SPATA13: variants seen among roughly 807,000 people sequenced by gnomAD.
The protein encoded by SPATA13 is spermatogenesis-associated protein 13.
In SPATA13, 50 loss-of-function variants were observed where a neutral mutation model predicts 104.0. The ratio of observed to expected loss-of-function variants is 0.48; its 90% CI spans 0.38 to 0.61. SPATA13 has a LOEUF of 0.61. Ranked by LOEUF, SPATA13 falls within the 20% of genes least tolerant of loss-of-function variation. The pLI is 0.00. For missense variants in SPATA13, 1,524 were observed against 1,690.6 expected, an observed-to-expected ratio of 0.90 and a Z score of 1.73; for synonymous variants, 606 against 667.5, an observed-to-expected ratio of 0.91 and a Z score of 1.42.
chr13:24,166,412 C>G (rs965960672), intron 1 of SPATA13, among the ~76,000 whole-genome samples: 9 of 152,004 alleles, frequency 5.9e-5, no homozygotes, highest in Admixed American at 6.5e-5. Flanking sequence ...GAGGAGTGAG[C>G]AATTAGGGAA....
chr13:24,071,874 C>G (rs1483382987), intron 3 of SPATA13, among the ~76,000 whole-genome samples: 3 of 152,156 alleles, frequency 2.0e-5, no homozygotes, highest in Non-Finnish European at 2.9e-5. Context: ...ATGATTCTCC[C>G]CGTGTGCACT....
intron 3 of SPATA13, among the ~76,000 whole-genome samples, chr13:24,152,429 C>T (rs544171376): frequency 6.8e-4 from 103 of 152,384 alleles, no homozygotes; most frequent in African/African-American, 2.4e-3. Flanking sequence ...GCCTACTTCA[C>T]AGCTCTGTCT....
rs566854396 is a variant in SPATA13 at position 24,262,464 on chromosome 13, A to G, written c.2164+10602A>G. ...ATAAGGCAGTAAGAATTCTTGATTCATAGCCTAAGTGCATCACAAAAGGGA... is the reference window on the plus strand; with the variant it reads ...ATAAGGCAGTAAGAATTCTTGATTCGTAGCCTAAGTGCATCACAAAAGGGA... On this transcript the variant is annotated intron_variant, in intron 4 of 12. Coordinates refer to ENST00000382108, the MANE Select transcript of SPATA13 (RefSeq NM_001166271.3). Among the ~76,000 whole-genome samples the G allele has an allele frequency of 3.5e-4, 54 of 152,304 alleles. 1 individual carries two copies. Among genetic ancestry groups the G allele is most frequent in the African/African-American group, 1.3e-3 (54 of 41,580 alleles).
At chr13:23,990,110 C>T (rs1207001121) in intron 2 of SPATA13, among the ~76,000 whole-genome samples, 1 of 152,192 alleles carries the variant, frequency 6.6e-6, no homozygotes, top group African/African-American at 2.4e-5. Context: ...AGTGTGTCCA[C>T]CACCCTGCAC....
At chr13:24,297,004 A>G (rs1876831534) in intron 10 of SPATA13, among the ~76,000 whole-genome samples, 1 of 151,592 alleles carries the variant, frequency 6.6e-6, no homozygotes, top group Admixed American at 6.6e-5. Context: ...CCAAATTGGG[A>G]GTTTGTTTTT....
rs1566140695 is a variant in SPATA13, at chr13:24,189,863, T to TA, written c.-112+28932dup. Among the ~76,000 whole-genome samples, 43 of 29,026 alleles carry TA rather than the reference T, an allele frequency of 1.5e-3. 12 individuals carry two copies. The highest frequency in any genetic ancestry group is 2.6e-3 in the Non-Finnish European group (22 of 8,608). 19.0% of individuals were successfully genotyped at this position (29,026 alleles called of 152,430 possible). On this transcript the variant is annotated intron_variant, in intron 1 of 12. Coordinates refer to ENST00000382108, the MANE Select transcript of SPATA13 (RefSeq NM_001166271.3). The stretch of plus-strand genomic sequence containing the variant: ...TTTAATATATTATATTAATATATCA[T>TA]ATATAATATAATTATATATCATAAT...
intron 3 of SPATA13, among the ~76,000 whole-genome samples, chr13:24,030,594 C>T (rs559532192): frequency 3.3e-4 from 51 of 152,264 alleles, no homozygotes; most frequent in African/African-American, 1.2e-3. Context: ...GTCCCCAGCG[C>T]CCTAGAACTG....
chr13:24,213,886 A>AT (rs1322641673), intron 1 of SPATA13, among the ~76,000 whole-genome samples: 1 of 152,232 alleles, frequency 6.6e-6, no homozygotes, highest in Admixed American at 6.5e-5. Flanking sequence ...TTTACAGAAC[A>AT]TTTTACCTTC....
chr13:24,019,063 A>C (rs1876841781), intron 3 of SPATA13, among the ~76,000 whole-genome samples: 1 of 150,522 alleles, frequency 6.6e-6, no homozygotes, highest in Non-Finnish European at 1.5e-5. Flanking sequence ...GGGGCTCCTA[A>C]GTTATATGAT....
At chr13:24,280,880 G>T (rs542059503) in intron 4 of SPATA13, among the ~76,000 whole-genome samples, 65 of 152,090 alleles carry the variant, frequency 4.3e-4, no homozygotes, top group African/African-American at 1.5e-3. Context: ...CCGACTGTAC[G>T]CACCCTGGCC....
intron 3 of SPATA13, among the ~76,000 whole-genome samples, chr13:24,112,578 C>T (rs894024981): frequency 2.0e-5 from 3 of 151,814 alleles, no homozygotes; most frequent in Non-Finnish European, 2.9e-5. Flanking sequence ...ACACACAAAC[C>T]CAGTAAATGT....
upstream of SPATA13, among the ~76,000 whole-genome samples, chr13:24,158,874 G>C (rs1593366732): frequency 6.6e-6 from 1 of 152,180 alleles, no homozygotes; most frequent in South Asian, 2.1e-4. Flanking sequence ...GGATGCGGGG[G>C]TCTTCAGGTC....
At chr13:24,031,232 G>A (rs1309611590) in intron 3 of SPATA13, among the ~76,000 whole-genome samples, 1 of 152,216 alleles carries the variant, frequency 6.6e-6, no homozygotes, top group African/African-American at 2.4e-5. Flanking sequence ...AGGTTAGGCA[G>A]GACCTCAGTC....
At position 24,205,820 on chromosome 13, in the gene SPATA13, A is replaced by G. The variant is rs148621776; in HGVS notation, c.-111-16999A>G. ...CTGACCTTTGACAAACCTGACCAAA[A>G]ACAAGCAATGGAGAAAGGATACCCT... On this transcript the variant is annotated intron_variant, in intron 1 of 12. Transcript: ENST00000382108. The surrounding 1 kb of genome is among the most constrained non-coding windows in gnomAD (Gnocchi z 4.1). Among the ~76,000 whole-genome samples the G allele has an allele frequency of 2.0e-5, 3 of 152,330 alleles. No homozygotes were observed. Among genetic ancestry groups the G allele is most frequent in the African/African-American group, 7.2e-5 (3 of 41,574 alleles).
Position 24,294,631 on chromosome 13 carries a change from C to T in SPATA13, c.3081-108C>T, listed in dbSNP as rs1332012889. 4.9e-6 allele frequency: 6 copies of T among 1,234,254 alleles called. No homozygotes were observed. In the Admixed American group the frequency reaches 1.4e-4, roughly 28 times the overall value. 76.5% of individuals were successfully genotyped at this position (1,234,254 alleles called of 1,614,324 possible). A position where few individuals can be genotyped will look rare whatever the true frequency, so the allele number is the denominator to read the frequency against. On this transcript the variant is annotated intron_variant, in intron 9 of 12. Coordinates refer to ENST00000382108, the MANE Select transcript of SPATA13 (RefSeq NM_001166271.3). ...ACAGTGGCTAATGACGTAAATGTCA[C>T]TTTGTCTAGAGCATTCGTATACGAA... is the stretch of plus-strand genomic sequence containing the variant.
chr13:24,105,507 A>T (rs1880414408), intron 3 of SPATA13, among the ~76,000 whole-genome samples: 1 of 150,414 alleles, frequency 6.6e-6, no homozygotes, highest in Non-Finnish European at 1.5e-5. Context: ...GATTGCCAGC[A>T]CCAAGCACAA....
At chr13:24,004,319 G>T (rs868350470) in intron 2 of SPATA13, among the ~76,000 whole-genome samples, 1 of 152,184 alleles carries the variant, frequency 6.6e-6, no homozygotes, top group Non-Finnish European at 1.5e-5. Flanking sequence ...ACCTATCTGC[G>T]CACTTTGAAC....
At position 24,284,186 on chromosome 13, in the gene SPATA13, G is replaced by A. The variant is rs78997458; in HGVS notation, c.2216G>A (p.Ser739Asn). The A allele has an allele frequency of 5.6e-6, 9 of 1,613,922 alleles. No homozygotes were observed. The East Asian group carries it at 2.0e-4, about 36-fold the overall frequency. ...TCTGCCTTAGTGGATGACAACGGTA[G>A]TGAGGAGGACTTCAGCTATGAAGAC... is the stretch of plus-strand genomic sequence containing the variant. The part of the protein sequence containing the change: ...EPSALVDDNG[S>N]EEDFSYEDLC... The change falls in exon 5 of 13, where the codon AGT becomes AAT. Residue 739 changes from serine (S) to asparagine (N), a missense_variant. Ser to Asn is a conservative substitution (Grantham distance 46, BLOSUM62 1). Around this residue, in one of 2 missense-constraint regions of SPATA13, gnomAD observed 1,089 missense variants for 1,135.9 expected, o/e 0.96. Coordinates refer to ENST00000382108, the MANE Select transcript of SPATA13 (RefSeq NM_001166271.3).
intron 1 of SPATA13, among the ~76,000 whole-genome samples, chr13:24,198,643 TATGTATGTTCAAGC>T: frequency 6.6e-6 from 1 of 152,232 alleles, no homozygotes; most frequent in Non-Finnish European, 1.5e-5. Flanking sequence ...TTTAAAACTC[TATGTATGTTCAAGC>T]AAGGAGGTGA....
Sources: allele counts gnomAD v4.1 joint callset (sites outside exome capture counted in the v4.1 genomes callset), GRCh38; gene constraint gnomAD v4.1.1; regional missense constraint gnomAD v4.1.1; non-coding constraint Gnocchi (gnomAD v3.1); transcripts MANE v1.5; gene names NCBI Gene and HGNC (gene_info 2026-07-23, HGNC 2026-07-21).